Variants in PADI6 observed in about 807,000 individuals in gnomAD.
The protein encoded by PADI6 is inactive protein-arginine deiminase type-6.
Under a neutral mutation model 78.2 loss-of-function variants are expected in PADI6, and 66 were observed. The ratio of observed to expected loss-of-function variants is 0.84; its 90% CI spans 0.69 to 1.04. The LOEUF is 1.04. Ranked by LOEUF, PADI6 falls within the 50% of genes least tolerant of loss-of-function variation. The pLI, the probability that PADI6 is intolerant of heterozygous loss-of-function variation, is 0.00. For synonymous variants in PADI6, 397 were observed against 346.9 expected (o/e 1.14, Z -1.60); for missense variants, 854 against 866.1 (o/e 0.99, Z 0.18).
chr1:17,391,733 T>C (rs533483634), intron 8 of PADI6, among the ~76,000 whole-genome samples: 2 of 152,282 alleles, frequency 1.3e-5, no homozygotes, highest in Admixed American at 6.5e-5. Flanking sequence ...GGAGACTCAC[T>C]TGAACCCAGG....
At chr1:17,383,019 A>G (rs746104817) in intron 6 of PADI6, among the ~76,000 whole-genome samples, 5 of 152,154 alleles carry the variant, frequency 3.3e-5, no homozygotes, top group Non-Finnish European at 7.4e-5. Flanking sequence ...CCGGATGCAA[A>G]CAATCCTCCT....
intron 7 of PADI6, 67 bp from the exon 8 acceptor site, chr1:17,388,710 C>T: frequency 1.3e-6 from 2 of 1,530,128 alleles, no homozygotes; most frequent in Non-Finnish European, 1.8e-6. Flanking sequence ...ACGGCCGGAA[C>T]CCTGGGGTAA....
At chr1:17,394,499 T>G in intron 11 of PADI6, 45 bp downstream of exon 11, 1 of 1,587,840 alleles carries the variant, frequency 6.3e-7, no homozygotes, top group Non-Finnish European at 8.6e-7. Context: ...GAAGGGACCA[T>G]GGTCGTTCCC....
rs1394658609 is a variant in PADI6, at chr1:17,395,683, A to G, written c.1618+20A>G. 6.2e-7 allele frequency: 1 copy of G among 1,601,584 alleles called. No individual in the cohort carries two copies. The highest frequency in any genetic ancestry group is 1.7e-4 in the Middle Eastern group (1 of 6,022). The stretch of plus-strand genomic sequence containing the variant: ...CTAATGGTAAGGGAACTCCCTTTCC[A>G]CAGAACAGAACTGGGGTCTTCCTTT... On this transcript the variant is annotated intron_variant, in intron 13 of 15. Coordinates refer to ENST00000619609, the MANE Select transcript of PADI6 (RefSeq NM_207421.4).
rs753051630 is a variant in PADI6 at position 17,379,992 on chromosome 1, GTCTGCCAGCAAA to G, written c.435+6_435+17del. 1.2e-6 allele frequency: 2 copies of G among 1,613,358 alleles called. No homozygotes were observed. The highest frequency in any genetic ancestry group is 4.5e-5 in the East Asian group (2 of 44,858). On this transcript the variant is annotated splice_donor_region_variant and intron_variant, in intron 4 of 15. Coordinates refer to ENST00000619609, the MANE Select transcript of PADI6 (RefSeq NM_207421.4). Reference sequence around the variant, plus strand: ...TCAAGTGACAAACAGGCTAAGGTGAGTCTGCCAGCAAAAGGGGGCAGGGAAGGGGCCCTATAA... The same window carrying G: ...TCAAGTGACAAACAGGCTAAGGTGAGAGGGGGCAGGGAAGGGGCCCTATAA...
chr1:17,382,546 C>T (rs1347986017), intron 6 of PADI6, among the ~76,000 whole-genome samples: 2 of 152,186 alleles, frequency 1.3e-5, no homozygotes, highest in African/African-American at 4.8e-5. Context: ...GCACCTGCAT[C>T]CCAGCCACCA....
chr1:17,398,910 C>A (rs1364596661), intron 15 of PADI6, 63 bp downstream of exon 15: 2 of 1,539,772 alleles, frequency 1.3e-6, no homozygotes, highest in Non-Finnish European at 1.8e-6. Context: ...TGGCTGCCAC[C>A]TCACTGTGCT....
intron 14 of PADI6, 36 bp from the exon 15 acceptor site, chr1:17,398,650 C>CA: frequency 5.8e-5 from 6 of 102,574 alleles, no homozygotes; most frequent in South Asian, 4.1e-4. Flanking sequence ...CTCCTTGCTC[C>CA]CCCGCCCCCC....
rs112057062 is a variant in PADI6 at position 17,381,851 on chromosome 1, G to GC, written c.554-115dup. The GC allele has an allele frequency of 2.1e-4, 265 of 1,249,964 alleles. 3 individuals are homozygous for GC. In the African/African-American group the frequency reaches 3.4e-3, roughly 16 times the overall value. 77.4% of individuals were successfully genotyped at this position (1,249,964 alleles called of 1,614,324 possible). A position where few individuals can be genotyped will look rare whatever the true frequency, so the allele number is the denominator to read the frequency against. ...CTTCGGGCCTGGGCCCTAGCAAAAG[G>GC]CAGGGGGTCCTTGGTGCTCTGTTCA... On this transcript the variant is annotated intron_variant, in intron 5 of 15. Transcript: ENST00000619609.
intron 6 of PADI6, among the ~76,000 whole-genome samples, chr1:17,383,340 G>C (rs1570131790): frequency 6.6e-6 from 1 of 152,194 alleles, no homozygotes; most frequent in Non-Finnish European, 1.5e-5. Flanking sequence ...GCTTGGACGT[G>C]GCCATCTTAC....
At chr1:17,381,293 G>A (rs971461007) in intron 5 of PADI6, 129 bp downstream of exon 5, 3 of 729,848 alleles carry the variant, frequency 4.1e-6, no homozygotes, top group Admixed American at 2.9e-5. Flanking sequence ...CCATGCCTGG[G>A]CTGATCAAAC....
At chr1:17,375,304 A>G in intron 2 of PADI6, 123 bp from the exon 3 acceptor site, 1 of 854,806 alleles carries the variant, frequency 1.2e-6, no homozygotes, top group Non-Finnish European at 1.9e-6. Context: ...CTCATAGGTG[A>G]GACTTCAGAA....
At position 17,401,266 on chromosome 1, in the gene PADI6, A is replaced by G. The variant is rs770175544; in HGVS notation, c.1913A>G (p.Lys638Arg). ...GIPKPFGPQIKGTCCLEEKIC... is the reference protein window; with the variant it reads ...GIPKPFGPQIRGTCCLEEKIC... ...CCCAAGCCTTTTGGGCCCCAAATCA[A>G]GGGGACCTGCTGCCTGGAAGAAAAG... The change falls in exon 16 of 16, where the codon AAG (lysine) becomes AGG (arginine). Residue 638 changes from lysine (K) to arginine (R), a missense_variant. Coordinates refer to ENST00000619609, the MANE Select transcript of PADI6 (RefSeq NM_207421.4). 4.0e-5 allele frequency: 64 copies of G among 1,613,958 alleles called. No homozygotes were observed. The South Asian group carries it at 6.4e-4, about 16-fold the overall frequency.
chr1:17,380,355 G>A (rs922448888), intron 4 of PADI6, among the ~76,000 whole-genome samples: 3 of 151,668 alleles, frequency 2.0e-5, no homozygotes, highest in South Asian at 2.1e-4. Context: ...GGTTACAAGC[G>A]TGTGCCACCA....
intron 3 of PADI6, among the ~76,000 whole-genome samples, chr1:17,379,202 C>G (rs983028063): frequency 1.4e-5 from 2 of 147,718 alleles, no homozygotes; most frequent in South Asian, 4.2e-4. Flanking sequence ...AGGCTCCGCC[C>G]CCTGGGGTTC....
intron 4 of PADI6, among the ~76,000 whole-genome samples, chr1:17,380,434 C>T (rs1267848158): frequency 6.6e-6 from 1 of 152,182 alleles, no homozygotes; most frequent in Non-Finnish European, 1.5e-5. Flanking sequence ...GTGGCACGAT[C>T]TCAGCTCACT....
At position 17,401,491 on chromosome 1, in the gene PADI6, C is replaced by A. The variant is rs2075301176; in HGVS notation, c.*53C>A. ...CCCCAGCGTGGATGGCCCACTGTCA[C>A]CATGCAACAGCATGATTCTTTGCCC... On this transcript the variant is annotated 3_prime_UTR_variant, in exon 16 of 16. Coordinates refer to ENST00000619609, the MANE Select transcript of PADI6 (RefSeq NM_207421.4). 3.4e-6 allele frequency: 5 copies of A among 1,454,162 alleles called. No individual in the cohort carries two copies. The Admixed American group carries it at 9.2e-5, about 27-fold the overall frequency. The allele number at this position is 1,454,162 out of a possible 1,614,324, so 90.1% of individuals were successfully genotyped here. A position where few individuals can be genotyped will look rare whatever the true frequency, so the allele number is the denominator to read the frequency against.
chr1:17,376,467 T>TTTTTTTTTTATTTTTAGTGGGCTAA (rs2075017724), intron 3 of PADI6, among the ~76,000 whole-genome samples: 1 of 148,402 alleles, frequency 6.7e-6, no homozygotes, highest in African/African-American at 2.5e-5. Flanking sequence ...GCCCGGCTAA[T>TTTTTTTTTTATTTTTAGTGGGCTAA]TTTTTTTTAT....
At chr1:17,397,183 G>GT in intron 14 of PADI6, 42 bp downstream of exon 14, 1 of 1,603,326 alleles carries the variant, frequency 6.2e-7, no homozygotes, top group Non-Finnish European at 8.5e-7. Context: ...GAAAGAGCTG[G>GT]TGCCGCAGGT....
Sources: allele counts gnomAD v4.1 joint callset (sites outside exome capture counted in the v4.1 genomes callset), GRCh38; gene constraint gnomAD v4.1.1; transcripts MANE v1.5; gene names NCBI Gene and HGNC (gene_info 2026-07-23, HGNC 2026-07-21).